The following GMPR variants were observed in gnomAD, a reference collection of about 807,000 sequenced individuals.
The protein encoded by GMPR is GMP reductase 1.
GMPR carries 31 observed loss-of-function variants against 38.4 expected under a neutral mutation model. The ratio of observed to expected loss-of-function variants is 0.81; its 90% CI spans 0.61 to 1.09. The LOEUF is 1.09. Ranked by LOEUF, GMPR falls within the 50% of genes least tolerant of loss-of-function variation. The probability of loss-of-function intolerance (pLI) is 0.00; values close to 1 mark genes in which losing one functional copy is unlikely to be tolerated. For missense variants in GMPR, 468 were observed against 453.7 expected, an observed-to-expected ratio of 1.03 and a Z score of -0.29; for synonymous variants, 162 against 173.3, an observed-to-expected ratio of 0.93 and a Z score of 0.51.
At chr6:16,260,711 G>A (rs1413580346) in intron 4 of GMPR, among the ~76,000 whole-genome samples, 1 of 152,030 alleles carries the variant, frequency 6.6e-6, no homozygotes, top group Non-Finnish European at 1.5e-5. Context: ...CTTTGCTGGT[G>A]TGTGGCGATT....
intron 2 of GMPR, among the ~76,000 whole-genome samples, chr6:16,248,650 CTG>C (rs1291107578): frequency 6.6e-6 from 1 of 152,126 alleles, no homozygotes. Flanking sequence ...CTTGCATTGT[CTG>C]TCAGACCTCA....
chr6:16,255,057 G>T (rs1341172685), intron 4 of GMPR, among the ~76,000 whole-genome samples: 1 of 151,620 alleles, frequency 6.6e-6, no homozygotes, highest in Non-Finnish European at 1.5e-5. Context: ...GTCCACCCAG[G>T]CTGGAGTACA....
At chr6:16,243,444 G>A (rs1758691269) in intron 1 of GMPR, among the ~76,000 whole-genome samples, 1 of 152,164 alleles carries the variant, frequency 6.6e-6, no homozygotes, top group African/African-American at 2.4e-5. Context: ...TCAGAGGTCT[G>A]GGCTGGGGCC....
At position 16,246,823 on chromosome 6, in the gene GMPR, C is replaced by CTT; in HGVS notation, c.88-11_88-10dup. ...CACTCATTTCTTTCCCTTTTTCTTT[C>CTT]TTTTTTTTTGGCCAACAGGTGGATC... On this transcript the variant is annotated intron_variant, in intron 1 of 8. Transcript: ENST00000259727. The CTT allele has an allele frequency of 1.3e-6, 2 of 1,570,960 alleles. No individual in the cohort carries two copies. Among genetic ancestry groups the CTT allele is most frequent in the Admixed American group, 1.8e-5 (1 of 56,650 alleles).
At chr6:16,263,121 T>C (rs1285961330) in intron 4 of GMPR, 1 of 151,642 alleles carries the variant, frequency 6.6e-6, no homozygotes, top group East Asian at 1.9e-4. Context: ...ACGCTTGGGG[T>C]TGGGACTGAG....
At chr6:16,282,878 G>A (rs1259270199) in intron 6 of GMPR, among the ~76,000 whole-genome samples, 3 of 149,454 alleles carry the variant, frequency 2.0e-5, no homozygotes, top group South Asian at 2.1e-4. Context: ...GCATGATCTC[G>A]GCTCACTGCA....
chr6:16,258,938 G>A (rs1235944002), intron 4 of GMPR, among the ~76,000 whole-genome samples: 1 of 152,154 alleles, frequency 6.6e-6, no homozygotes, highest in African/African-American at 2.4e-5. Flanking sequence ...GGCAGTTCCT[G>A]GCCTCTGCAC....
intron 6 of GMPR, among the ~76,000 whole-genome samples, chr6:16,283,979 G>A (rs1464575764): frequency 6.6e-6 from 1 of 152,208 alleles, no homozygotes; most frequent in Non-Finnish European, 1.5e-5. Flanking sequence ...AATATGCCAG[G>A]ATTTTGAAGC....
At chr6:16,261,291 C>T (rs1326221146) in intron 4 of GMPR, among the ~76,000 whole-genome samples, 1 of 151,896 alleles carries the variant, frequency 6.6e-6, no homozygotes, top group African/African-American at 2.4e-5. Context: ...AAGAATTATG[C>T]TTAGATAGGT....
chr6:16,278,886 T>C lies in GMPR; in HGVS notation c.650T>C (p.Ile217Thr), dbSNP rs745900821. The C allele has an allele frequency of 6.3e-7, 1 of 1,595,074 alleles. No individual in the cohort carries two copies. The highest frequency in any genetic ancestry group is 8.6e-7 in the Non-Finnish European group (1 of 1,163,332). ...GCCCATGGCCTGAAGGGCCACATCA[T>C]CTCTGTGAGTCTCCACCCGGGGCTG... is the stretch of plus-strand genomic sequence containing the variant. Reference protein sequence around the residue: ...DSAHGLKGHIISDGGCTCPGD... With the variant: ...DSAHGLKGHITSDGGCTCPGD... The change falls in exon 6 of 9, where the codon ATC becomes ACC. Residue 217 changes from isoleucine (I) to threonine (T), a missense_variant. Transcript: ENST00000259727.
intron 1 of GMPR, among the ~76,000 whole-genome samples, chr6:16,239,608 A>C (rs1264045404): frequency 6.6e-6 from 1 of 152,218 alleles, no homozygotes; most frequent in Non-Finnish European, 1.5e-5. Context: ...GAGGAAGGTG[A>C]GGAAACCGGA....
In GMPR at chr6:16,238,631, G is replaced by GCCGCCCCGCGCAGGCGCCC. The variant is rs1433235712; in HGVS notation, c.-53_-35dup. On this transcript the variant is annotated 5_prime_UTR_variant, in exon 1 of 9. Transcript: ENST00000259727. ...GCACAGCAGCCCCGGCGCTCCCCGCGCCGCCCCGCGCAGGCGCCCCCGCCC... is the reference window on the plus strand; with the variant it reads ...GCACAGCAGCCCCGGCGCTCCCCGCGCCGCCCCGCGCAGGCGCCCCCGCCCCGCGCAGGCGCCCCCGCCC... The GCCGCCCCGCGCAGGCGCCC allele has an allele frequency of 1.6e-6, 1 of 618,420 alleles. No homozygotes were observed. The allele number at this position is 618,420 out of a possible 1,614,324, so 38.3% of individuals were successfully genotyped here.
chr6:16,262,128 A>C (rs1349843201), intron 4 of GMPR: 1 of 151,794 alleles, frequency 6.6e-6, no homozygotes, highest in African/African-American at 2.4e-5. Context: ...AAAAGAAGGC[A>C]ATGTGGAGTG....
intron 5 of GMPR, among the ~76,000 whole-genome samples, chr6:16,277,748 G>A (rs904703621): frequency 2.6e-5 from 4 of 152,158 alleles, no homozygotes; most frequent in African/African-American, 7.2e-5. Flanking sequence ...CTCCCCTGGG[G>A]CAGTGACATT....
At chr6:16,268,541 A>G (rs909874557) in intron 4 of GMPR, among the ~76,000 whole-genome samples, 6 of 152,120 alleles carry the variant, frequency 3.9e-5, no homozygotes, top group Admixed American at 3.3e-4. Context: ...CAGCCTCCCA[A>G]AGTGTTGGGA....
chr6:16,255,877 T>G (rs886793946), intron 4 of GMPR, among the ~76,000 whole-genome samples: 2 of 152,162 alleles, frequency 1.3e-5, no homozygotes, highest in Non-Finnish European at 2.9e-5. Context: ...TTTCAAGGAT[T>G]GTTAAGGATT....
Position 16,287,217 on chromosome 6 carries a change from CACTT to C in GMPR, c.697+1385_697+1388del, listed in dbSNP as rs1290687799. 9.8e-5 allele frequency among the ~76,000 whole-genome samples: 15 copies of C among 152,316 alleles called. 1 individual carries two copies. Among genetic ancestry groups the C allele is most frequent in the Admixed American group, 9.8e-4 (15 of 15,294 alleles). ...CAGAGCCTCTGCTAACTAGTGCTGT[CACTT>C]ACCCTTTATTGTAAGGATCATTGGC... On this transcript the variant is annotated intron_variant, in intron 7 of 8. Coordinates refer to ENST00000259727, the MANE Select transcript of GMPR (RefSeq NM_006877.4).
At chr6:16,281,670 C>T (rs1188191187) in intron 6 of GMPR, among the ~76,000 whole-genome samples, 2 of 111,890 alleles carry the variant, frequency 1.8e-5, no homozygotes, top group Non-Finnish European at 3.5e-5. Context: ...ACGCTCAGCC[C>T]ATTTTTTTTT....
intron 3 of GMPR, 106 bp from the exon 4 acceptor site, chr6:16,254,456 C>A: frequency 1.1e-6 from 1 of 915,018 alleles, no homozygotes; most frequent in Non-Finnish European, 1.8e-6. Context: ...TAGGGTAGAC[C>A]GAAAAGGGTT....
Sources: gnomAD v4.1 joint callset for allele counts (sites outside exome capture counted in the v4.1 genomes callset) on GRCh38, gnomAD v4.1.1 for gene constraint, MANE v1.5 for transcripts, NCBI Gene and HGNC (gene_info 2026-07-23, HGNC 2026-07-21) for gene names.